The following NRXN1 variants were observed in gnomAD, a reference collection of about 807,000 sequenced individuals.
NRXN1 encodes the protein neurexin 1.
In NRXN1, 39 loss-of-function variants were observed where a neutral mutation model predicts 150.9. The ratio of observed to expected loss-of-function variants is 0.26; its 90% CI spans 0.20 to 0.34. The LOEUF (loss-of-function observed/expected upper bound fraction) is 0.34. Ranked by LOEUF, NRXN1 falls within the 10% of genes least tolerant of loss-of-function variation. The pLI is 1.00. For missense variants in NRXN1, 1,815 were observed against 1,949.9 expected (o/e 0.93, Z 1.30); for synonymous variants, 924 against 757.0 (o/e 1.22, Z -3.62).
At position 50,482,242 on chromosome 2, in the gene NRXN1, T is replaced by C. The variant is rs114112641; in HGVS notation, c.3071-9771A>G. ...GGGAAATAATAAAGTGAAATTGCTA[T>C]GGGAGCGTGTAGAGTAATCCATCTT... On this transcript the variant is annotated intron_variant, in intron 15 of 22. Coordinates refer to ENST00000401669, the MANE Select transcript of NRXN1 (RefSeq NM_001330078.2). 3.1e-3 allele frequency among the ~76,000 whole-genome samples: 478 copies of C among 152,274 alleles called. 5 individuals are homozygous for C. The highest frequency in any genetic ancestry group is 0.011 in the African/African-American group (459 of 41,556).
intron 21 of NRXN1, among the ~76,000 whole-genome samples, chr2:49,946,868 A>G (rs1026485821): frequency 1.3e-5 from 2 of 152,194 alleles, no homozygotes; most frequent in Non-Finnish European, 2.9e-5. Flanking sequence ...AAACAGATAT[A>G]TAGACCAATG....
intron 2 of NRXN1, among the ~76,000 whole-genome samples, chr2:51,019,019 G>A (rs1318244074): frequency 1.3e-5 from 2 of 152,070 alleles, no homozygotes; most frequent in Non-Finnish European, 2.9e-5. Flanking sequence ...GTAGGAAGCA[G>A]CACTAAATGT....
intron 8 of NRXN1, among the ~76,000 whole-genome samples, chr2:50,610,384 A>G (rs1330191604): frequency 6.6e-6 from 1 of 151,832 alleles, no homozygotes; most frequent in African/African-American, 2.4e-5. Flanking sequence ...TATCATGCCC[A>G]GTATACAACT....
intron 17 of NRXN1, among the ~76,000 whole-genome samples, chr2:50,393,904 C>T (rs1348230866): frequency 6.6e-6 from 1 of 152,068 alleles, no homozygotes; most frequent in Non-Finnish European, 1.5e-5. Flanking sequence ...CAGAGAGAAG[C>T]CACTTTGTTG....
At chr2:50,971,351 A>G (rs1208210475) in intron 2 of NRXN1, among the ~76,000 whole-genome samples, 1 of 152,028 alleles carries the variant, frequency 6.6e-6, no homozygotes, top group Non-Finnish European at 1.5e-5. Context: ...TTGGGAGGCC[A>G]CAGTGGGCGG....
intron 8 of NRXN1, among the ~76,000 whole-genome samples, chr2:50,612,726 T>G (rs1340848070): frequency 6.6e-6 from 1 of 152,226 alleles, no homozygotes; most frequent in African/African-American, 2.4e-5. Flanking sequence ...TTGAATGATC[T>G]GATGCAGGTA....
intron 21 of NRXN1, chr2:49,970,388 T>C (rs2152494572): frequency 6.6e-6 from 1 of 152,234 alleles, no homozygotes; most frequent in South Asian, 2.1e-4. Context: ...AAATATAAAC[T>C]ATCTCTCATA....
chr2:50,206,257 ACACAC>A (rs1303730034), intron 18 of NRXN1, among the ~76,000 whole-genome samples: 12 of 151,192 alleles, frequency 7.9e-5, no homozygotes, highest in African/African-American at 1.5e-4. Flanking sequence ...ACACACACAC[ACACAC>A]AACAATTTTT....
chr2:50,063,014 C>A (rs1436993323), intron 19 of NRXN1, among the ~76,000 whole-genome samples: 2 of 152,112 alleles, frequency 1.3e-5, no homozygotes, highest in Non-Finnish European at 2.9e-5. Context: ...TCATCTATAC[C>A]ACAAGAGAAG....
intron 18 of NRXN1, among the ~76,000 whole-genome samples, chr2:50,096,223 A>G (rs1184310297): frequency 6.6e-6 from 1 of 152,094 alleles, no homozygotes; most frequent in African/African-American, 2.4e-5. Flanking sequence ...TTAATTATAA[A>G]TGATCGCCAA....
intron 5 of NRXN1, among the ~76,000 whole-genome samples, chr2:50,867,301 G>A (rs1352856560): frequency 1.3e-5 from 2 of 151,860 alleles, no homozygotes; most frequent in East Asian, 3.9e-4. Context: ...GGGAATTCAT[G>A]GGACCCTATT....
intron 5 of NRXN1, among the ~76,000 whole-genome samples, chr2:50,802,623 A>G (rs148416894): frequency 3.3e-5 from 5 of 151,950 alleles, no homozygotes; most frequent in African/African-American, 1.2e-4. Flanking sequence ...GAGGAAAGAA[A>G]AGAAAGAAGG....
intron 17 of NRXN1, among the ~76,000 whole-genome samples, chr2:50,459,466 C>A (rs1029895061): frequency 3.9e-5 from 6 of 152,244 alleles, no homozygotes; most frequent in Admixed American, 3.9e-4. Flanking sequence ...CCTCTTCCCA[C>A]TCCACCCTCA....
intron 17 of NRXN1, among the ~76,000 whole-genome samples, chr2:50,391,412 A>C (rs2081685286): frequency 6.6e-6 from 1 of 152,148 alleles, no homozygotes; most frequent in African/African-American, 2.4e-5. Flanking sequence ...TTATAACTAA[A>C]CCTAATTATA....
intron 5 of NRXN1, among the ~76,000 whole-genome samples, chr2:50,828,965 G>A (rs1411877587): frequency 7.2e-5 from 11 of 152,214 alleles, no homozygotes; most frequent in African/African-American, 2.7e-4. Context: ...ACCAGACACC[G>A]TCTGCAATCC....
At chr2:50,134,936 T>C (rs529360687) in intron 18 of NRXN1, among the ~76,000 whole-genome samples, 12 of 152,318 alleles carry the variant, frequency 7.9e-5, no homozygotes, top group African/African-American at 2.9e-4. Flanking sequence ...CTTAAAAATA[T>C]GAGCAGACAG....
At chr2:49,925,906 G>A (rs1047631792) in intron 22 of NRXN1, among the ~76,000 whole-genome samples, 4 of 152,204 alleles carry the variant, frequency 2.6e-5, no homozygotes, top group African/African-American at 4.8e-5. Context: ...ATAAGCTTAA[G>A]TCTTTAAGTC....
chr2:51,027,357 G>C (rs1432904680), intron 2 of NRXN1, 145 bp downstream of exon 2: 7 of 785,298 alleles, frequency 8.9e-6, no homozygotes, highest in Admixed American at 3.6e-5. Flanking sequence ...GTAAGGTAGA[G>C]AGTCCCCCAG....
intron 17 of NRXN1, among the ~76,000 whole-genome samples, chr2:50,335,727 G>GTGT (rs1208280008): frequency 6.6e-6 from 1 of 152,114 alleles, no homozygotes; most frequent in Non-Finnish European, 1.5e-5. Flanking sequence ...TGTTAACATC[G>GTGT]TGTTGTCCTC....
Sources: gnomAD v4.1 joint callset for allele counts (sites outside exome capture counted in the v4.1 genomes callset) on GRCh38, gnomAD v4.1.1 for gene constraint, MANE v1.5 for transcripts, NCBI Gene and HGNC (gene_info 2026-07-23, HGNC 2026-07-21) for gene names.